EPB41L3: variants seen among roughly 807,000 people sequenced by gnomAD.
The protein encoded by EPB41L3 is band 4.1-like protein 3.
EPB41L3 carries 57 observed loss-of-function variants against 127.1 expected under a neutral mutation model. The ratio of observed to expected loss-of-function variants is 0.45; its 90% CI spans 0.36 to 0.56. The LOEUF is 0.56. EPB41L3 is among the 20% of genes least tolerant of loss of function. The pLI is 0.00. For synonymous variants in EPB41L3, 572 were observed against 549.5 expected (o/e 1.04, Z -0.57); for missense variants, 1,273 against 1,372.2 (o/e 0.93, Z 1.14).
intron 3 of EPB41L3, among the ~76,000 whole-genome samples, chr18:5,603,549 T>A (rs984322649): frequency 3.9e-5 from 6 of 152,040 alleles, no homozygotes; most frequent in Non-Finnish European, 7.4e-5. Flanking sequence ...CAGGAGTGCC[T>A]CTCCTTTCAA....
chr18:5,419,605 T>C (rs1437809725), intron 12 of EPB41L3, 106 bp downstream of exon 12: 6 of 1,468,144 alleles, frequency 4.1e-6, no homozygotes, highest in Non-Finnish European at 5.6e-6. Flanking sequence ...AGTGCTGACA[T>C]ATGATTTATC....
intron 3 of EPB41L3, among the ~76,000 whole-genome samples, chr18:5,589,647 G>A (rs2094469156): frequency 6.6e-6 from 1 of 152,074 alleles, no homozygotes; most frequent in Admixed American, 6.5e-5. Context: ...CCATACCTAT[G>A]CTTTAATTAT....
intron 2 of EPB41L3, among the ~76,000 whole-genome samples, chr18:5,613,599 T>G (rs909601794): frequency 6.6e-6 from 1 of 152,108 alleles, no homozygotes; most frequent in Admixed American, 6.5e-5. Context: ...ACCCGTGAGG[T>G]CAAAGCCACT....
chr18:5,630,027 C>G (rs963680021), upstream of EPB41L3, among the ~76,000 whole-genome samples: 13 of 152,304 alleles, frequency 8.5e-5, no homozygotes, highest in African/African-American at 3.1e-4. Flanking sequence ...CGCCGGGCCC[C>G]GCGCACTAGC....
At position 5,417,186 on chromosome 18, in the gene EPB41L3, C is replaced by T. The variant is rs7227359; in HGVS notation, c.1507-808G>A. Among the ~76,000 whole-genome samples, 1,048 of 152,282 alleles carry T rather than the reference C, an allele frequency of 6.9e-3. 14 individuals carry two copies. Among genetic ancestry groups the T allele is most frequent in the African/African-American group, 0.024 (991 of 41,554 alleles). ...TTCTATTATTTATGATGCATAATAA[C>T]AGAAAGATATAATTTCCCAGCCTTC... On this transcript the variant is annotated intron_variant, in intron 12 of 22. Transcript: ENST00000341928.
At chr18:5,527,229 C>T (rs2093255906) in intron 1 of EPB41L3, among the ~76,000 whole-genome samples, 2 of 152,102 alleles carry the variant, frequency 1.3e-5, no homozygotes, top group Admixed American at 6.5e-5. Context: ...TCTCATTGCT[C>T]GGTGGGGTAA....
Position 5,424,273 on chromosome 18 carries a change from A to G in EPB41L3, c.1152T>C (p.His384=), listed in dbSNP as rs2077863701. The G allele has an allele frequency of 6.3e-7, 1 of 1,590,646 alleles. No homozygotes were observed. Among genetic ancestry groups the G allele is most frequent in the African/African-American group, 1.3e-5 (1 of 74,100 alleles). ...KRLWKVCVEH[H]TFFRLLLPEA... ...TAATCTCTTCCTACCTGAAAAATGT[A>G]TGATGCTCAACACATACTTTCCATA... Residue 384 remains histidine, a synonymous_variant, in exon 10 of 23, where the codon CAT becomes CAC. Coordinates refer to ENST00000341928, the MANE Select transcript of EPB41L3 (RefSeq NM_012307.5).
chr18:5,401,342 A>G (rs1449933596), intron 16 of EPB41L3, among the ~76,000 whole-genome samples: 1 of 152,194 alleles, frequency 6.6e-6, no homozygotes, highest in African/African-American at 2.4e-5. Context: ...CACAGAGCAT[A>G]CAAGAACAAT....
intron 3 of EPB41L3, among the ~76,000 whole-genome samples, chr18:5,555,622 C>G (rs1316947197): frequency 1.3e-5 from 2 of 152,154 alleles, no homozygotes; most frequent in African/African-American, 4.8e-5. Flanking sequence ...TATTACCAAG[C>G]CCTTTGTACT....
At chr18:5,628,182 T>A (rs2094943981) in intron 1 of EPB41L3, among the ~76,000 whole-genome samples, 1 of 152,236 alleles carries the variant, frequency 6.6e-6, no homozygotes, top group Non-Finnish European at 1.5e-5. Flanking sequence ...ATTATTTGAA[T>A]GCGATATAGG....
upstream of EPB41L3, among the ~76,000 whole-genome samples, chr18:5,546,984 G>C (rs561953976): frequency 1.4e-4 from 21 of 152,142 alleles, no homozygotes; most frequent in Admixed American, 5.9e-4. Context: ...ATGTATAAAA[G>C]GGACTGATTC....
chr18:5,492,860 G>A (rs574400317), intron 1 of EPB41L3, among the ~76,000 whole-genome samples: 5 of 152,024 alleles, frequency 3.3e-5, no homozygotes, highest in South Asian at 2.1e-4. Flanking sequence ...TTAAAGAAAC[G>A]TAAATCATAT....
intron 3 of EPB41L3, among the ~76,000 whole-genome samples, chr18:5,556,088 G>C (rs1265821043): frequency 6.6e-6 from 1 of 152,158 alleles, no homozygotes; most frequent in Non-Finnish European, 1.5e-5. Context: ...TCCCCAACCT[G>C]CACACTGCCT....
chr18:5,405,607 T>G (rs1468556911), intron 16 of EPB41L3, among the ~76,000 whole-genome samples: 2 of 151,980 alleles, frequency 1.3e-5, no homozygotes, highest in African/African-American at 2.4e-5. Flanking sequence ...CTGACCAACA[T>G]GTTGAAATCC....
intron 1 of EPB41L3, among the ~76,000 whole-genome samples, chr18:5,617,358 G>A (rs771041889): frequency 9.7e-5 from 14 of 143,686 alleles, no homozygotes; most frequent in East Asian, 8.2e-4. Context: ...TCACTCTGTC[G>A]CCCAGGCTGG....
chr18:5,474,154 A>G (rs1179428625), intron 3 of EPB41L3, among the ~76,000 whole-genome samples: 1 of 151,622 alleles, frequency 6.6e-6, no homozygotes, highest in African/African-American at 2.4e-5. Context: ...TGGCGTGAAC[A>G]TGGGAGGCGG....
At chr18:5,538,995 ATTT>A (rs757227800) in intron 1 of EPB41L3, among the ~76,000 whole-genome samples, 22,870 of 114,844 alleles carry the variant, frequency 0.2, 1,730 homozygotes, top group African/African-American at 0.22. Flanking sequence ...TTTCTCCAAG[ATTT>A]TTTTTTTTTT....
intron 1 of EPB41L3, among the ~76,000 whole-genome samples, chr18:5,517,554 G>C (rs779146914): frequency 6.6e-6 from 1 of 152,116 alleles, no homozygotes; most frequent in South Asian, 2.1e-4. Flanking sequence ...CTCCACCTCA[G>C]CTTTCCGAGT....
chr18:5,504,233 A>T (rs1786538778), intron 1 of EPB41L3, among the ~76,000 whole-genome samples: 2 of 151,822 alleles, frequency 1.3e-5, no homozygotes, highest in African/African-American at 2.4e-5. Flanking sequence ...ACTCCACAAA[A>T]CCTTGCTGAA....
Sources: gnomAD v4.1 joint callset for allele counts (sites outside exome capture counted in the v4.1 genomes callset) on GRCh38, gnomAD v4.1.1 for gene constraint, MANE v1.5 for transcripts, NCBI Gene and HGNC (gene_info 2026-07-23, HGNC 2026-07-21) for gene names.